Variants in UBE4B observed in about 807,000 individuals in gnomAD.
The protein encoded by UBE4B is ubiquitination factor E4B.
In UBE4B, 27 loss-of-function variants were observed where a neutral mutation model predicts 148.1. That is an observed-to-expected ratio of 0.18 (90% CI 0.13 to 0.25). The LOEUF is 0.25. UBE4B is among the 10% of genes least tolerant of loss of function. The pLI, the probability that UBE4B is intolerant of heterozygous loss-of-function variation, is 1.00. For synonymous variants in UBE4B, 596 were observed against 619.3 expected, an observed-to-expected ratio of 0.96 and a Z score of 0.56; for missense variants, 1,170 against 1,662.4, an observed-to-expected ratio of 0.70 and a Z score of 5.15.
At position 10,137,141 on chromosome 1, in the gene UBE4B, C is replaced by T. The variant is rs774391546; in HGVS notation, c.2299C>T (p.Leu767Phe). ...CFFLTLHAHH[L>F]SILPSCRRYI... ...CTTTCTCACCCTGCATGCTCACCAC[C>T]TCTCTATTCTGCCTAGTTGCCGTCG... is the stretch of plus-strand genomic sequence containing the variant. Residue 767 changes from leucine to phenylalanine, a missense_variant, in exon 17 of 28, where the codon CTC (leucine) becomes TTC (phenylalanine). This residue lies in a region of UBE4B where 388 missense variants were observed against 536.0 expected (regional missense o/e 0.72). Transcript: ENST00000343090. 2.3e-5 allele frequency: 37 copies of T among 1,614,160 alleles called. No homozygotes were observed. The East Asian group carries it at 8.2e-4, about 36-fold the overall frequency.
chr1:10,131,201 G>A (rs1645586877), intron 14 of UBE4B, among the ~76,000 whole-genome samples: 1 of 152,244 alleles, frequency 6.6e-6, no homozygotes, highest in Non-Finnish European at 1.5e-5. Flanking sequence ...GAAGGGCCGG[G>A]TGTGATGGCT....
chr1:10,177,391 G>A (rs942361060), intron 25 of UBE4B, among the ~76,000 whole-genome samples: 2 of 152,080 alleles, frequency 1.3e-5, no homozygotes, highest in African/African-American at 2.4e-5. Flanking sequence ...CCGTGGTGGC[G>A]CACACCTGAA....
intron 16 of UBE4B, among the ~76,000 whole-genome samples, chr1:10,136,577 A>C (rs1645688862): frequency 6.6e-6 from 1 of 152,056 alleles, no homozygotes; most frequent in Admixed American, 6.6e-5. Context: ...AGCTAACAGG[A>C]ATTCTCTTCT....
chr1:10,151,294 G>T (rs781405643), intron 20 of UBE4B, 32 bp from the exon 21 acceptor site: 31 of 1,600,308 alleles, frequency 1.9e-5, no homozygotes, highest in Non-Finnish European at 2.6e-5. Flanking sequence ...TTTCTCAGCG[G>T]TCTCTTTCTT....
At chr1:10,164,688 T>C in intron 23 of UBE4B, among the ~76,000 whole-genome samples, 1 of 152,184 alleles carries the variant, frequency 6.6e-6, no homozygotes, top group Middle Eastern at 3.2e-3. Context: ...AAATAATTTT[T>C]ATTTGGCTTT....
intron 25 of UBE4B, among the ~76,000 whole-genome samples, chr1:10,175,486 C>T (rs1401684648): frequency 6.9e-6 from 1 of 144,284 alleles, no homozygotes; most frequent in Non-Finnish European, 1.5e-5. Flanking sequence ...CCCATCTCTA[C>T]TAAAAATACA....
chr1:10,175,599 C>G (rs545024862), intron 25 of UBE4B, among the ~76,000 whole-genome samples: 2 of 151,742 alleles, frequency 1.3e-5, no homozygotes, highest in African/African-American at 2.4e-5. Context: ...TGCAGTGAGC[C>G]GAGATCGCGC....
intron 4 of UBE4B, among the ~76,000 whole-genome samples, chr1:10,102,079 T>G (rs1480846814): frequency 5.9e-5 from 9 of 152,122 alleles, no homozygotes; most frequent in Non-Finnish European, 1.3e-4. Flanking sequence ...TAATGATTAT[T>G]GGAAGTTGCA....
intron 1 of UBE4B, among the ~76,000 whole-genome samples, chr1:10,061,528 G>A (rs1489228810): frequency 6.6e-6 from 1 of 152,144 alleles, no homozygotes; most frequent in Non-Finnish European, 1.5e-5. Context: ...TGGTATTACA[G>A]GGGTGAGCCA....
chr1:10,090,207 C>T (rs745624324), intron 2 of UBE4B, among the ~76,000 whole-genome samples: 8 of 152,046 alleles, frequency 5.3e-5, no homozygotes, highest in Non-Finnish European at 1.2e-4. Flanking sequence ...GCAGCCTCAG[C>T]CTCCTGGGCT....
At chr1:10,052,429 G>T (rs1028644943) in intron 1 of UBE4B, among the ~76,000 whole-genome samples, 2 of 152,136 alleles carry the variant, frequency 1.3e-5, no homozygotes, top group African/African-American at 4.8e-5. Context: ...CTGCTTTAAT[G>T]GACGTTTTTG....
intron 25 of UBE4B, among the ~76,000 whole-genome samples, chr1:10,177,420 G>A (rs1176567222): frequency 2.0e-5 from 3 of 152,170 alleles, no homozygotes; most frequent in Non-Finnish European, 4.4e-5. Flanking sequence ...TACTCAGGAG[G>A]TGGAGGCTTC....
At chr1:10,051,718 G>GT (rs1188752786) in intron 1 of UBE4B, among the ~76,000 whole-genome samples, 2 of 152,194 alleles carry the variant, frequency 1.3e-5, no homozygotes, top group Admixed American at 1.3e-4. Flanking sequence ...GACTCGAGGA[G>GT]TCCCAGGAGA....
chr1:10,159,643 C>T (rs1646129082), intron 22 of UBE4B, among the ~76,000 whole-genome samples: 1 of 152,130 alleles, frequency 6.6e-6, no homozygotes, highest in Non-Finnish European at 1.5e-5. Flanking sequence ...CGAGATGGTG[C>T]CACTGCACTC....
Position 10,102,912 on chromosome 1 carries a change from A to T in UBE4B, c.436-36A>T, listed in dbSNP as rs374441921. The T allele has an allele frequency of 3.0e-5, 48 of 1,576,962 alleles. No individual in the cohort carries two copies. The East Asian group carries it at 5.7e-4, about 19-fold the overall frequency. On this transcript the variant is annotated intron_variant, in intron 4 of 27. Coordinates refer to ENST00000343090, the MANE Select transcript of UBE4B (RefSeq NM_001105562.3). ...TTGAAACACCTAACTCATACCTCTT[A>T]TTTGAAATTAACCTGCAAATCTTCT...
At chr1:10,060,210 G>C (rs1644257992) in intron 1 of UBE4B, among the ~76,000 whole-genome samples, 2 of 152,138 alleles carry the variant, frequency 1.3e-5, no homozygotes, top group Non-Finnish European at 2.9e-5. Flanking sequence ...ATCATTATGT[G>C]AACACTATAG....
At chr1:10,179,319 C>G in intron 26 of UBE4B, 97 bp from the exon 27 acceptor site, 2 of 1,507,082 alleles carry the variant, frequency 1.3e-6, no homozygotes, top group South Asian at 2.5e-5. Flanking sequence ...GATTGCTGTT[C>G]CTTTGGATAG....
At chr1:10,080,918 A>G (rs1644669359) in intron 2 of UBE4B, among the ~76,000 whole-genome samples, 1 of 152,198 alleles carries the variant, frequency 6.6e-6, no homozygotes, top group Admixed American at 6.5e-5. Context: ...ATGGGGGTGG[A>G]TGAAGAAGGA....
intron 25 of UBE4B, among the ~76,000 whole-genome samples, chr1:10,177,242 G>A (rs528351566): frequency 1.6e-3 from 236 of 151,754 alleles, no homozygotes; most frequent in African/African-American, 5.4e-3. Context: ...GGTTTAGGCC[G>A]AGCACAGTGG....
Sources: gnomAD v4.1 joint callset for allele counts (sites outside exome capture counted in the v4.1 genomes callset) on GRCh38, gnomAD v4.1.1 for gene constraint, gnomAD v4.1.1 regional missense constraint, MANE v1.5 for transcripts, NCBI Gene and HGNC (gene_info 2026-07-23, HGNC 2026-07-21) for gene names.